CDK19: variants seen among roughly 807,000 people sequenced by gnomAD.
CDK19 encodes cyclin dependent kinase 19.
In CDK19, 20 loss-of-function variants were observed where a neutral mutation model predicts 68.3. The ratio of observed to expected loss-of-function variants is 0.29; its 90% CI spans 0.21 to 0.43. The LOEUF is 0.43. Ranked by LOEUF, CDK19 falls within the 20% of genes least tolerant of loss-of-function variation. The probability of loss-of-function intolerance (pLI) is 1.00; values close to 1 mark genes in which losing one functional copy is unlikely to be tolerated. For missense variants in CDK19, 339 were observed against 623.5 expected (o/e 0.54, Z 4.86); for synonymous variants, 221 against 222.8 (o/e 0.99, Z 0.07).
chr6:110,774,927 C>T (rs117959289), intron 1 of CDK19, among the ~76,000 whole-genome samples: 3 of 149,130 alleles, frequency 2.0e-5, no homozygotes, highest in Non-Finnish European at 4.5e-5. Flanking sequence ...CCAGCCTGGG[C>T]GACAGAGCAA....
At chr6:110,741,833 A>G (rs1349909036) in intron 2 of CDK19, among the ~76,000 whole-genome samples, 1 of 152,182 alleles carries the variant, frequency 6.6e-6, no homozygotes, top group African/African-American at 2.4e-5. Flanking sequence ...ACTCAAGAAG[A>G]GCTGGGTAAG....
intron 1 of CDK19, among the ~76,000 whole-genome samples, chr6:110,797,390 G>A (rs1283755598): frequency 6.6e-6 from 1 of 152,076 alleles, no homozygotes; most frequent in Non-Finnish European, 1.5e-5. Context: ...ACATTTGTCA[G>A]TAATTTAACA....
rs946632766 is a variant in CDK19, at chr6:110,815,267, G to A, written c.-131C>T. 14 of 1,064,228 alleles carry A rather than the reference G, an allele frequency of 1.3e-5. No individual in the cohort carries two copies. The East Asian group carries it at 1.3e-4, about 10-fold the overall frequency. 65.9% of individuals were successfully genotyped at this position (1,064,228 alleles called of 1,614,324 possible). ...CGCGCGCGCGCGCGCGCCGCCCGCC[G>A]CCCGCCGCTCCGCGGTCCGCCTTCA... On this transcript the variant is annotated 5_prime_UTR_variant, in exon 1 of 13. Coordinates refer to ENST00000368911, the MANE Select transcript of CDK19 (RefSeq NM_015076.5).
chr6:110,677,589 A>G (rs964356196), intron 2 of CDK19, among the ~76,000 whole-genome samples: 1 of 149,098 alleles, frequency 6.7e-6, no homozygotes, highest in Non-Finnish European at 1.5e-5. Context: ...AAAAAAAAAA[A>G]GGAAGAAGAA....
intron 1 of CDK19, among the ~76,000 whole-genome samples, chr6:110,802,628 A>G (rs1782419571): frequency 6.6e-6 from 1 of 152,220 alleles, no homozygotes; most frequent in Non-Finnish European, 1.5e-5. Context: ...GCATTATGCA[A>G]TATACCCATG....
intron 4 of CDK19, among the ~76,000 whole-genome samples, chr6:110,650,286 G>T (rs891485395): frequency 6.6e-6 from 1 of 152,108 alleles, no homozygotes; most frequent in Non-Finnish European, 1.5e-5. Flanking sequence ...TTACCTCTTG[G>T]GAGGAGCCAG....
intron 1 of CDK19, among the ~76,000 whole-genome samples, chr6:110,772,288 A>G (rs1269235342): frequency 6.6e-6 from 1 of 152,176 alleles, no homozygotes; most frequent in South Asian, 2.1e-4. Context: ...AGAGAAAATG[A>G]GAAGGATCCA....
intron 2 of CDK19, among the ~76,000 whole-genome samples, chr6:110,690,639 A>G (rs1772906622): frequency 6.6e-6 from 1 of 152,220 alleles, no homozygotes; most frequent in African/African-American, 2.4e-5. Flanking sequence ...AAGGAATAAG[A>G]TAAGCTTCAA....
At chr6:110,643,343 G>A in intron 4 of CDK19, 1 of 434,432 alleles carries the variant, frequency 2.3e-6, no homozygotes, top group Non-Finnish European at 4.3e-6. Flanking sequence ...AACTGCCAAA[G>A]GAAAGCTGAG....
At chr6:110,737,394 A>G (rs1285775838) in intron 2 of CDK19, among the ~76,000 whole-genome samples, 2 of 152,272 alleles carry the variant, frequency 1.3e-5, no homozygotes, top group Non-Finnish European at 2.9e-5. Flanking sequence ...CGGTGTTTAA[A>G]TCACCTTCTG....
At chr6:110,752,324 T>A (rs1316901442) in intron 1 of CDK19, among the ~76,000 whole-genome samples, 2 of 152,230 alleles carry the variant, frequency 1.3e-5, no homozygotes, top group African/African-American at 4.8e-5. Flanking sequence ...TTAATTATTT[T>A]GAAACAAATC....
chr6:110,738,269 G>C (rs1777395972), intron 2 of CDK19, among the ~76,000 whole-genome samples: 1 of 151,850 alleles, frequency 6.6e-6, no homozygotes, highest in Admixed American at 6.6e-5. Context: ...CAGCACTTTG[G>C]AAGGCCAAGG....
intron 2 of CDK19, among the ~76,000 whole-genome samples, chr6:110,721,020 C>T (rs1473912813): frequency 1.3e-5 from 2 of 152,042 alleles, no homozygotes; most frequent in Non-Finnish European, 2.9e-5. Flanking sequence ...GGCAGATCAC[C>T]TGAGGTCAGC....
chr6:110,624,322 G>A (rs1778949986), intron 8 of CDK19, among the ~76,000 whole-genome samples: 1 of 151,168 alleles, frequency 6.6e-6, no homozygotes, highest in African/African-American at 2.4e-5. Context: ...TGAGCAAAGG[G>A]GTATTCATTT....
Position 110,712,704 on chromosome 6 carries a change from G to A in CDK19, c.204+33422C>T, listed in dbSNP as rs139504998. Among the ~76,000 whole-genome samples, 307 of 152,272 alleles carry A rather than the reference G, an allele frequency of 2.0e-3. 1 individual carries two copies. The highest frequency in any genetic ancestry group is 7.3e-3 in the African/African-American group (302 of 41,548). Reference sequence around the variant, plus strand: ...AGCCAGCAGGAGTGTGGCGAAGCAGGATAAACAGGATATTTATCCACAGTG... The same window carrying A: ...AGCCAGCAGGAGTGTGGCGAAGCAGAATAAACAGGATATTTATCCACAGTG... On this transcript the variant is annotated intron_variant, in intron 2 of 12. Transcript: ENST00000368911.
At position 110,670,141 on chromosome 6, in the gene CDK19, G is replaced by A. The variant is rs144281643; in HGVS notation, c.315+290C>T. ...CACTGCACTCCAGCCTGGGCAACAA[G>A]AGCAAAACTCCCTTCCCCGTTCGTC... On this transcript the variant is annotated intron_variant, in intron 3 of 12. Transcript: ENST00000368911. Among the ~76,000 whole-genome samples, 353 of 151,948 alleles carry A rather than the reference G, an allele frequency of 2.3e-3. 6 individuals carry two copies. The East Asian group carries it at 0.035, about 15-fold the overall frequency.
rs181433595 is a variant in CDK19, at chr6:110,691,114, C to G, written c.205-20573G>C. Among the ~76,000 whole-genome samples the G allele has an allele frequency of 1.3e-3, 199 of 152,080 alleles. 3 individuals carry two copies. The highest frequency in any genetic ancestry group is 2.6e-4 in the Non-Finnish European group (18 of 68,000). ...GATTCCAGAGAAATGTGAAAACCAA[C>G]ATGAAGAAATTTTTTAAAAAAAATC... On this transcript the variant is annotated intron_variant, in intron 2 of 12. Transcript: ENST00000368911.
intron 1 of CDK19, among the ~76,000 whole-genome samples, chr6:110,766,830 T>C (rs1428325691): frequency 1.3e-5 from 2 of 151,428 alleles, no homozygotes; most frequent in Non-Finnish European, 2.9e-5. Flanking sequence ...TGAGACCCTG[T>C]CTCTAAGAAA....
rs139497032 is a variant in CDK19 at position 110,619,842 on chromosome 6, C to G, written c.1377+1262G>C. Among the ~76,000 whole-genome samples the G allele has an allele frequency of 9.1e-3, 1,388 of 152,156 alleles. 25 individuals carry two copies. The highest frequency in any genetic ancestry group is 0.03 in the African/African-American group (1,255 of 41,508). ...CCTGTTGCAGTGGTCCCTTTATGCA[C>G]TAACATGGCCCCGCCTTGAATAAAG... On this transcript the variant is annotated intron_variant, in intron 12 of 12. Coordinates refer to ENST00000368911, the MANE Select transcript of CDK19 (RefSeq NM_015076.5).
Sources: allele counts gnomAD v4.1 joint callset (sites outside exome capture counted in the v4.1 genomes callset), GRCh38; gene constraint gnomAD v4.1.1; transcripts MANE v1.5; gene names NCBI Gene and HGNC (gene_info 2026-07-23, HGNC 2026-07-21).